DNAJC18: variants seen among roughly 807,000 people sequenced by gnomAD.
DNAJC18 encodes the protein DnaJ heat shock protein family (Hsp40) member C18.
Under a neutral mutation model 48.6 loss-of-function variants are expected in DNAJC18, and 40 were observed. The observed-to-expected ratio is 0.82, with a 90% CI of 0.64 to 1.07. The LOEUF (loss-of-function observed/expected upper bound fraction) is 1.07. DNAJC18 is among the 50% of genes least tolerant of loss of function. DNAJC18 has a pLI of 0.00. For synonymous variants in DNAJC18, 135 were observed against 152.2 expected (o/e 0.89, Z 0.83); for missense variants, 340 against 427.7 (o/e 0.79, Z 1.81).
chr5:139,430,153 C>G (rs10463976), intron 2 of DNAJC18, among the ~76,000 whole-genome samples: 7,245 of 152,182 alleles, frequency 0.048, 267 homozygotes, highest in African/African-American at 0.097. Context: ...TATATGACTT[C>G]TATCAATCCA....
Position 139,425,059 on chromosome 5 carries a change from C to T in DNAJC18, c.615G>A (p.Arg205=). 6.2e-7 allele frequency: 1 copy of T among 1,613,348 alleles called. No homozygotes were observed. Among genetic ancestry groups the T allele is most frequent in the South Asian group, 1.1e-5 (1 of 91,070 alleles). The change falls in exon 5 of 8, where the codon CGG becomes CGA. Residue 205 remains arginine (R), a synonymous_variant. Coordinates refer to ENST00000302060, the MANE Select transcript of DNAJC18 (RefSeq NM_152686.4). ...GAGTCTGTGTCCTCTCATGTCGGTG[C>T]CGTCGACGGTAATAGTAAGTGTCAT... The part of the protein sequence containing the change: ...VTDDTYYYRR[R]HRHERTQTQK...
chr5:139,416,964 G>T (rs1304644552), intron 7 of DNAJC18, among the ~76,000 whole-genome samples: 2 of 152,200 alleles, frequency 1.3e-5, no homozygotes, highest in African/African-American at 4.8e-5. Context: ...GAGGTGGGCG[G>T]ATTACCTGAG....
At chr5:139,426,501 G>A (rs1759246084) in intron 3 of DNAJC18, 144 bp from the exon 4 acceptor site, 6 of 895,296 alleles carry the variant, frequency 6.7e-6, no homozygotes, top group Non-Finnish European at 9.9e-6. Flanking sequence ...GGCCTAGAAA[G>A]TTCTCCACAG....
At chr5:139,416,060 T>C (rs1759065105) in intron 7 of DNAJC18, among the ~76,000 whole-genome samples, 1 of 152,192 alleles carries the variant, frequency 6.6e-6, no homozygotes, top group Non-Finnish European at 1.5e-5. Context: ...AATGACCTTG[T>C]ACAAGGTCAG....
chr5:139,420,716 G>A (rs1759139067), intron 6 of DNAJC18, among the ~76,000 whole-genome samples: 1 of 151,584 alleles, frequency 6.6e-6, no homozygotes, highest in African/African-American at 2.4e-5. Context: ...ACTGAGAACT[G>A]CAAGAAACTC....
intron 5 of DNAJC18, among the ~76,000 whole-genome samples, chr5:139,423,509 C>G (rs748199774): frequency 2.0e-5 from 3 of 151,886 alleles, no homozygotes; most frequent in Non-Finnish European, 4.4e-5. Context: ...CTCGCCTCAG[C>G]CTCCTGAGAA....
intron 5 of DNAJC18, among the ~76,000 whole-genome samples, chr5:139,424,457 G>T (rs578019566): frequency 4.6e-5 from 7 of 152,236 alleles, no homozygotes; most frequent in Non-Finnish European, 1.0e-4. Flanking sequence ...AGCCGGAGCG[G>T]TGGCTCATGC....
Position 139,439,337 on chromosome 5 carries a change from C to A in DNAJC18, c.40+69G>T, listed in dbSNP as rs2152085959. ...ACCCAGGATCTCAGCCCTTGTGCGT[C>A]TTCAGGATCCTCATCCCTGATCTCT... On this transcript the variant is annotated intron_variant, in intron 1 of 7. Transcript: ENST00000302060. This position sits in a 1 kb window ranked among gnomAD's most constrained non-coding sequence, Gnocchi z 4.1. 1.2e-6 allele frequency: 2 copies of A among 1,610,802 alleles called. No homozygotes were observed. Among genetic ancestry groups the A allele is most frequent in the East Asian group, 4.5e-5 (2 of 44,852 alleles).
chr5:139,424,906 A>G, intron 5 of DNAJC18, 99 bp downstream of exon 5: 1 of 1,020,010 alleles, frequency 9.8e-7, no homozygotes, highest in Non-Finnish European at 1.5e-6. Flanking sequence ...TCCTAAAGCA[A>G]CATATCTCAG....
intron 7 of DNAJC18, chr5:139,418,584 C>T (rs1291450842): frequency 6.0e-6 from 2 of 334,766 alleles, no homozygotes; most frequent in South Asian, 2.3e-5. Flanking sequence ...ATTTCCTCTT[C>T]CTGTTTAATT....
At chr5:139,419,301 C>G (rs1167405843) in intron 7 of DNAJC18, 3 of 368,824 alleles carry the variant, frequency 8.1e-6, no homozygotes, top group Non-Finnish European at 1.6e-5. Flanking sequence ...CGGGGCTACC[C>G]CTGCTGCAGA....
Position 139,437,421 on chromosome 5 carries a change from C to T in DNAJC18, c.178G>A (p.Gly60Ser), listed in dbSNP as rs1189294982. Reference sequence around the variant, plus strand: ...TCACTATACGTGGAGTTCCCCTCACCCTGCCGGGTCTGAGTCCACTCATTC... The same window carrying T: ...TCACTATACGTGGAGTTCCCCTCACTCTGCCGGGTCTGAGTCCACTCATTC... ...SENEWTQTRQ[G>S]EGNSTYSEEQ... Residue 60 changes from glycine to serine, a missense_variant, in exon 2 of 8, where the codon GGT (glycine) becomes AGT (serine). By Grantham distance (56) the Gly-to-Ser change is moderately conservative. Transcript: ENST00000302060. 1.2e-6 allele frequency: 2 copies of T among 1,614,036 alleles called. No homozygotes were observed. Among genetic ancestry groups the T allele is most frequent in the South Asian group, 1.1e-5 (1 of 91,052 alleles).
intron 5 of DNAJC18, among the ~76,000 whole-genome samples, chr5:139,423,416 G>T (rs925079543): frequency 2.7e-5 from 4 of 148,070 alleles, no homozygotes; most frequent in African/African-American, 9.9e-5. Context: ...CTGAGACATG[G>T]TCTTGCTCTG....
At chr5:139,422,112 C>T (rs944575731) in intron 6 of DNAJC18, among the ~76,000 whole-genome samples, 3 of 152,036 alleles carry the variant, frequency 2.0e-5, no homozygotes, top group African/African-American at 7.2e-5. Flanking sequence ...ATGGAGGGGC[C>T]CTAGAATCTG....
intron 6 of DNAJC18, 156 bp from the exon 7 acceptor site, chr5:139,420,381 G>A: frequency 4.3e-6 from 3 of 696,344 alleles, no homozygotes; most frequent in Non-Finnish European, 6.7e-6. Context: ...CCCTAGCAAA[G>A]TTGTAAGTAT....
chr5:139,414,347 A>G (rs1042680485), intron 7 of DNAJC18, 75 bp from the exon 8 acceptor site: 2 of 1,527,622 alleles, frequency 1.3e-6, no homozygotes, highest in Non-Finnish European at 1.8e-6. Context: ...CTGGAGTCAA[A>G]GCTCCTTTTA....
chr5:139,425,207 A>T (rs1759217660), intron 4 of DNAJC18, 93 bp from the exon 5 acceptor site: 9 of 1,039,672 alleles, frequency 8.7e-6, no homozygotes, highest in Non-Finnish European at 1.3e-5. Flanking sequence ...TCTGTTACCC[A>T]GACTGGAGTG....
intron 1 of DNAJC18, among the ~76,000 whole-genome samples, chr5:139,438,185 A>G (rs11956224): frequency 0.56 from 84,319 of 150,308 alleles, 25,705 homozygotes; most frequent in Non-Finnish European, 0.69. Flanking sequence ...GCGTGGTGGC[A>G]GGCGCCTGTA....
Position 139,437,569 on chromosome 5 carries a change from C to T in DNAJC18, c.41-11G>A, listed in dbSNP as rs147436827. On this transcript the variant is annotated splice_polypyrimidine_tract_variant and intron_variant, in intron 1 of 7. Coordinates refer to ENST00000302060, the MANE Select transcript of DNAJC18 (RefSeq NM_152686.4). The stretch of plus-strand genomic sequence containing the variant: ...CTGCGTCAATGTAAGCTGCAAACAA[C>T]AGCCCCTCCATTAGGTCTCCATCTG... 295 of 1,606,882 alleles carry T rather than the reference C, an allele frequency of 1.8e-4. No individual in the cohort carries two copies. In the East Asian group the frequency reaches 6.4e-3, roughly 35 times the overall value.
Sources: gnomAD v4.1 joint callset for allele counts (sites outside exome capture counted in the v4.1 genomes callset) on GRCh38, gnomAD v4.1.1 for gene constraint, Gnocchi (gnomAD v3.1) non-coding constraint, MANE v1.5 for transcripts, NCBI Gene and HGNC (gene_info 2026-07-23, HGNC 2026-07-21) for gene names.